The following CTNNA3 variants were observed in gnomAD, a reference collection of about 807,000 sequenced individuals.
CTNNA3 encodes catenin alpha-3.
In CTNNA3, 76 loss-of-function variants were observed where a neutral mutation model predicts 95.7. The observed-to-expected ratio is 0.79, with a 90% confidence interval of 0.66 to 0.96. The LOEUF (loss-of-function observed/expected upper bound fraction) is 0.96. CTNNA3 is among the 40% of genes least tolerant of loss of function. The probability of loss-of-function intolerance (pLI) is 0.00; values close to 1 mark genes in which losing one functional copy is unlikely to be tolerated. For synonymous variants in CTNNA3, 431 were observed against 374.4 expected, an observed-to-expected ratio of 1.15 and a Z score of -1.74; for missense variants, 1,191 against 1,089.8, an observed-to-expected ratio of 1.09 and a Z score of -1.31.
intron 17 of CTNNA3, among the ~76,000 whole-genome samples, chr10:65,931,420 T>C (rs543217884): frequency 6.6e-6 from 1 of 152,316 alleles, no homozygotes; most frequent in African/African-American, 2.4e-5. Context: ...CTCATACCAT[T>C]ATTGCTTCAT....
intron 15 of CTNNA3, among the ~76,000 whole-genome samples, chr10:65,994,999 G>A (rs561086261): frequency 6.6e-6 from 1 of 151,564 alleles, no homozygotes; most frequent in African/African-American, 2.4e-5. Flanking sequence ...CAGAATTTTT[G>A]TTTCTTTTTT....
intron 15 of CTNNA3, among the ~76,000 whole-genome samples, chr10:66,030,150 C>A (rs562721818): frequency 6.6e-6 from 1 of 152,198 alleles, no homozygotes; most frequent in African/African-American, 2.4e-5. Flanking sequence ...CTGCCCAAAG[C>A]AATCTACAGA....
chr10:67,343,964 T>A (rs1456778583), intron 5 of CTNNA3, among the ~76,000 whole-genome samples: 2 of 148,762 alleles, frequency 1.3e-5, no homozygotes, highest in East Asian at 3.9e-4. Context: ...TATTTTATTA[T>A]AGTATAATAC....
intron 14 of CTNNA3, 59 bp downstream of exon 14, chr10:66,103,098 G>C: frequency 7.2e-7 from 1 of 1,386,100 alleles, no homozygotes; most frequent in Non-Finnish European, 1.0e-6. Flanking sequence ...ATTGACAAAG[G>C]GAGGGCACAG....
chr10:66,354,298 A>T (rs1046699273), intron 12 of CTNNA3, among the ~76,000 whole-genome samples: 1 of 137,972 alleles, frequency 7.2e-6, no homozygotes, highest in East Asian at 2.1e-4. Context: ...AATAAAAAAA[A>T]AAAGTCTATG....
chr10:66,691,795 G>A (rs985187440), intron 9 of CTNNA3, among the ~76,000 whole-genome samples: 3 of 152,220 alleles, frequency 2.0e-5, no homozygotes, highest in South Asian at 2.1e-4. Context: ...AGCAGCATTC[G>A]CGGTTCACAA....
At chr10:66,155,985 G>C (rs2084486107) in intron 13 of CTNNA3, among the ~76,000 whole-genome samples, 1 of 151,824 alleles carries the variant, frequency 6.6e-6, no homozygotes, top group African/African-American at 2.4e-5. Flanking sequence ...CTTTATCAAA[G>C]AATATATCCA....
intron 1 of CTNNA3, among the ~76,000 whole-genome samples, chr10:67,648,452 T>C (rs1839784448): frequency 6.6e-6 from 1 of 152,194 alleles, no homozygotes; most frequent in African/African-American, 2.4e-5. Flanking sequence ...CTTTCTCTTA[T>C]TGAAAATAAC....
At chr10:67,721,723 TGGA>T (rs1841180694) in intron 1 of CTNNA3, among the ~76,000 whole-genome samples, 2 of 152,164 alleles carry the variant, frequency 1.3e-5, no homozygotes, top group African/African-American at 2.4e-5. Flanking sequence ...TGTGATCCTT[TGGA>T]GGAGAAGAGG....
chr10:66,755,639 G>A (rs1839334796), intron 9 of CTNNA3, among the ~76,000 whole-genome samples: 2 of 152,094 alleles, frequency 1.3e-5, no homozygotes, highest in African/African-American at 4.8e-5. Context: ...GGGAATGCAT[G>A]TGCCATATGA....
intron 5 of CTNNA3, among the ~76,000 whole-genome samples, chr10:67,490,634 C>A (rs557525215): frequency 4.6e-5 from 7 of 152,108 alleles, no homozygotes; most frequent in African/African-American, 1.7e-4. Flanking sequence ...GAAGAGAGAA[C>A]CTAGCAATGA....
chr10:67,502,239 G>A (rs552211156), intron 5 of CTNNA3, among the ~76,000 whole-genome samples: 5 of 152,258 alleles, frequency 3.3e-5, no homozygotes, highest in Admixed American at 2.6e-4. Flanking sequence ...CTCCTGCAGT[G>A]CTTCTGGTGT....
chr10:67,026,809 C>T (rs1471505248), intron 7 of CTNNA3, among the ~76,000 whole-genome samples: 2 of 152,136 alleles, frequency 1.3e-5, no homozygotes, highest in South Asian at 2.1e-4. Context: ...GAAACAAACT[C>T]TTCTCATGTG....
intron 11 of CTNNA3, among the ~76,000 whole-genome samples, chr10:66,491,916 A>T (rs960886125): frequency 6.6e-6 from 1 of 152,008 alleles, no homozygotes; most frequent in Non-Finnish European, 1.5e-5. Flanking sequence ...CTTCATCCCC[A>T]TTTTAGTCTT....
At chr10:67,502,512 G>A (rs1839266274) in intron 5 of CTNNA3, among the ~76,000 whole-genome samples, 1 of 152,184 alleles carries the variant, frequency 6.6e-6, no homozygotes, top group Non-Finnish European at 1.5e-5. Flanking sequence ...TGGGAGAGCT[G>A]CTGCTCTCTT....
intron 5 of CTNNA3, among the ~76,000 whole-genome samples, chr10:67,302,094 A>G (rs1210833759): frequency 1.4e-5 from 2 of 146,090 alleles, no homozygotes; most frequent in African/African-American, 5.0e-5. Flanking sequence ...AAAGAAAGAA[A>G]GAAAATCCTT....
intron 7 of CTNNA3, among the ~76,000 whole-genome samples, chr10:67,021,518 C>T (rs1402288067): frequency 6.6e-6 from 1 of 151,814 alleles, no homozygotes; most frequent in African/African-American, 2.4e-5. Flanking sequence ...TCCTAGATGT[C>T]TAACAAAAAT....
chr10:66,790,185 A>C (rs1840913325), intron 7 of CTNNA3, among the ~76,000 whole-genome samples: 1 of 152,190 alleles, frequency 6.6e-6, no homozygotes, highest in Non-Finnish European at 1.5e-5. Flanking sequence ...GTGGTGGCTC[A>C]TGATTGTAAT....
At chr10:66,724,300 G>A (rs1265294020) in intron 9 of CTNNA3, among the ~76,000 whole-genome samples, 1 of 152,128 alleles carries the variant, frequency 6.6e-6, no homozygotes, top group African/African-American at 2.4e-5. Context: ...TAAATACCAG[G>A]AAGTCCTCAC....
Sources: allele counts gnomAD v4.1 joint callset (sites outside exome capture counted in the v4.1 genomes callset), GRCh38; gene constraint gnomAD v4.1.1; transcripts MANE v1.5; gene names NCBI Gene and HGNC (gene_info 2026-07-23, HGNC 2026-07-21).